DIP2C: variants seen among roughly 807,000 people sequenced by gnomAD.
The protein encoded by DIP2C is disco-interacting protein 2 homolog C.
Under a neutral mutation model 192.4 loss-of-function variants are expected in DIP2C, and 33 were observed. The ratio of observed to expected loss-of-function variants is 0.17; its 90% CI spans 0.13 to 0.23. The LOEUF (loss-of-function observed/expected upper bound fraction) is 0.23. Ranked by LOEUF, DIP2C falls within the 10% of genes least tolerant of loss-of-function variation. DIP2C has a pLI of 1.00. For missense variants in DIP2C, 1,537 were observed against 2,110.1 expected (o/e 0.73, Z 5.32); for synonymous variants, 979 against 864.1 (o/e 1.13, Z -2.33).
In DIP2C at chr10:415,640, G is replaced by C. The variant is rs148831251; in HGVS notation, c.859+129C>G. On this transcript the variant is annotated intron_variant, in intron 7 of 36. Transcript: ENST00000280886. ...GGAACATCACCCGCTCCCTACCTGG[G>C]TTCCCATCATGCGGCAAATGCCACG... 8.5e-5 allele frequency: 110 copies of C among 1,297,416 alleles called. No homozygotes were observed. In the African/African-American group the frequency reaches 1.5e-3, roughly 17 times the overall value. 80.4% of individuals were successfully genotyped at this position (1,297,416 alleles called of 1,614,324 possible). A position where few individuals can be genotyped will look rare whatever the true frequency, so the allele number is the denominator to read the frequency against.
chr10:418,970 AC>A, intron 6 of DIP2C, 94 bp downstream of exon 6: 1 of 1,558,242 alleles, frequency 6.4e-7, no homozygotes, highest in Non-Finnish European at 8.7e-7. Flanking sequence ...AACCGATTGT[AC>A]CCCAGGAAGA....
At chr10:423,064 G>A in intron 4 of DIP2C, 31 bp from the exon 5 acceptor site, 1 of 1,552,610 alleles carries the variant, frequency 6.4e-7, no homozygotes, top group Non-Finnish European at 8.7e-7. Flanking sequence ...TTTGCTGTAT[G>A]TTGCAGCAAA....
intron 4 of DIP2C, among the ~76,000 whole-genome samples, chr10:434,227 T>C (rs1455404369): frequency 6.6e-6 from 1 of 152,220 alleles, no homozygotes; most frequent in African/African-American, 2.4e-5. Context: ...AACTGTTACA[T>C]TAAATCTATT....
intron 1 of DIP2C, among the ~76,000 whole-genome samples, chr10:611,214 G>A (rs753021711): frequency 7.2e-5 from 11 of 152,000 alleles, no homozygotes; most frequent in Non-Finnish European, 1.0e-4. Context: ...CTCTCTTTCC[G>A]GCCATGTAAA....
intron 1 of DIP2C, among the ~76,000 whole-genome samples, chr10:580,203 C>CAT (rs879891972): frequency 2.0e-5 from 3 of 151,078 alleles, no homozygotes; most frequent in Non-Finnish European, 4.4e-5. Context: ...TACATATGCA[C>CAT]ATATATATAA....
intron 6 of DIP2C, among the ~76,000 whole-genome samples, chr10:418,137 CCACCTG>C (rs1326493156): frequency 2.9e-5 from 1 of 33,900 alleles, no homozygotes; most frequent in Non-Finnish European, 5.0e-5. Context: ...GCCTCCCTGT[CCACCTG>C]CACCTGTCAG....
chr10:577,821 G>GT (rs1292218132), intron 1 of DIP2C, among the ~76,000 whole-genome samples: 3 of 143,174 alleles, frequency 2.1e-5, no homozygotes, highest in African/African-American at 8.5e-5. Flanking sequence ...TTGTTTTTTT[G>GT]TGTTTTTTTT....
chr10:634,473 A>C (rs1257911296), intron 1 of DIP2C, among the ~76,000 whole-genome samples: 2 of 152,232 alleles, frequency 1.3e-5, no homozygotes, highest in Non-Finnish European at 2.9e-5. Flanking sequence ...CAGGGATGCC[A>C]AGTAAGTTTC....
chr10:370,102 C>T (rs1410115221), intron 17 of DIP2C: 2 of 953,142 alleles, frequency 2.1e-6, no homozygotes, highest in Non-Finnish European at 1.2e-6. Flanking sequence ...ACTGTCCAGC[C>T]TCAATTCAGA....
chr10:373,216 T>C (rs1387232781), intron 17 of DIP2C, among the ~76,000 whole-genome samples: 2 of 152,136 alleles, frequency 1.3e-5, no homozygotes, highest in African/African-American at 4.8e-5. Flanking sequence ...TCTCTTCTTT[T>C]TATAAAAACT....
At chr10:583,202 C>T (rs770333781) in intron 1 of DIP2C, among the ~76,000 whole-genome samples, 1 of 152,150 alleles carries the variant, frequency 6.6e-6, no homozygotes, top group African/African-American at 2.4e-5. Flanking sequence ...ACTCCAAGTG[C>T]ATCTGCAAAC....
rs1959728244 is a variant in DIP2C at position 363,062 on chromosome 10, C to T, written c.2592+135G>A. ...TAGTTTCTGGACACTTGATGTAGTT[C>T]CTGATCAAATGAAGGGAAGGGAAAA... On this transcript the variant is annotated intron_variant, in intron 21 of 36. Transcript: ENST00000280886. This position sits in a 1 kb window ranked among gnomAD's most constrained non-coding sequence, Gnocchi z 5.4. 1 of 727,378 alleles carries T rather than the reference C, an allele frequency of 1.4e-6. No individual in the cohort carries two copies. Among genetic ancestry groups the T allele is most frequent in the East Asian group, 2.7e-5 (1 of 36,822 alleles). 45.1% of individuals were successfully genotyped at this position (727,378 alleles called of 1,614,324 possible).
intron 1 of DIP2C, among the ~76,000 whole-genome samples, chr10:621,977 T>C (rs1450085416): frequency 1.3e-5 from 2 of 152,012 alleles, no homozygotes; most frequent in Non-Finnish European, 2.9e-5. Flanking sequence ...TTTTCTTTTT[T>C]TTAATGCTCT....
intron 3 of DIP2C, among the ~76,000 whole-genome samples, chr10:466,124 C>T (rs933205418): frequency 6.8e-6 from 1 of 147,986 alleles, no homozygotes; most frequent in Non-Finnish European, 1.5e-5. Flanking sequence ...CATCACACTA[C>T]CTGACTTCAA....
intron 1 of DIP2C, among the ~76,000 whole-genome samples, chr10:555,704 A>T (rs559711159): frequency 6.6e-6 from 1 of 152,284 alleles, no homozygotes; most frequent in Admixed American, 6.5e-5. Context: ...AGATGCGTTA[A>T]TCAGAGAATC....
intron 1 of DIP2C, among the ~76,000 whole-genome samples, chr10:674,660 T>C (rs1443514998): frequency 6.6e-6 from 1 of 151,414 alleles, no homozygotes; most frequent in Non-Finnish European, 1.5e-5. Context: ...TCCCAGCTAC[T>C]TGGGAGGCTG....
rs753429589 is a variant in DIP2C at position 474,278 on chromosome 10, C to A, written c.158-1729G>T. Reference sequence around the variant, plus strand: ...ACGCCACTGTGGTCATCAACATCAGCGTCCGCAGTGTGCTACAAATACCGT... The same window carrying A: ...ACGCCACTGTGGTCATCAACATCAGAGTCCGCAGTGTGCTACAAATACCGT... On this transcript the variant is annotated intron_variant, in intron 2 of 36. Coordinates refer to ENST00000280886, the MANE Select transcript of DIP2C (RefSeq NM_014974.3). Among the ~76,000 whole-genome samples the A allele has an allele frequency of 4.6e-5, 7 of 152,186 alleles. No homozygotes were observed. In the East Asian group the frequency reaches 1.2e-3, roughly 25 times the overall value.
intron 3 of DIP2C, among the ~76,000 whole-genome samples, chr10:465,943 C>T (rs186207485): frequency 0.027 from 4,095 of 152,006 alleles, 212 homozygotes; most frequent in African/African-American, 0.093. Context: ...GAATCAATAT[C>T]GTGAAAATGG....
chr10:439,799 G>C (rs1222929771), intron 4 of DIP2C, among the ~76,000 whole-genome samples: 1 of 152,126 alleles, frequency 6.6e-6, no homozygotes, highest in African/African-American at 2.4e-5. Context: ...CTGTCTCACT[G>C]CTTGCCAAGA....
Sources: allele counts gnomAD v4.1 joint callset (sites outside exome capture counted in the v4.1 genomes callset), GRCh38; gene constraint gnomAD v4.1.1; non-coding constraint Gnocchi (gnomAD v3.1); transcripts MANE v1.5; gene names NCBI Gene and HGNC (gene_info 2026-07-23, HGNC 2026-07-21).